The following PPP1R15B variants were observed in gnomAD, a reference collection of about 807,000 sequenced individuals.
The protein encoded by PPP1R15B is protein phosphatase 1 regulatory subunit 15B, also known as protein phosphatase 1, regulatory (inhibitor) subunit 15B.
Under a neutral mutation model 53.9 loss-of-function variants are expected in PPP1R15B, and 31 were observed. That is an observed-to-expected ratio of 0.58 (90% CI 0.43 to 0.78). The LOEUF is 0.78. PPP1R15B is among the 30% of genes least tolerant of loss of function. The pLI is 0.00. For missense variants in PPP1R15B, 928 were observed against 849.6 expected, an observed-to-expected ratio of 1.09 and a Z score of -1.15; for synonymous variants, 345 against 329.1, an observed-to-expected ratio of 1.05 and a Z score of -0.52.
chr1:204,399,856 C>G (rs182337360), downstream of PPP1R15B, among the ~76,000 whole-genome samples: 311 of 152,206 alleles, frequency 2.0e-3, 3 homozygotes, highest in African/African-American at 6.6e-3. Flanking sequence ...TGATAAAATG[C>G]GGTCTTAAAA....
chr1:204,411,769 C>T lies in PPP1R15B; in HGVS notation c.-358G>A. ...GAAAAGCCCCTGAGCAACGCGATAC[C>T]GGAAGGACTGGGTAGGCCGGCTGGT... On this transcript the variant is annotated 5_prime_UTR_variant, in exon 1 of 2. Coordinates refer to ENST00000367188, the MANE Select transcript of PPP1R15B (RefSeq NM_032833.5). 3.3e-6 allele frequency: 1 copy of T among 303,520 alleles called. No homozygotes were observed. The highest frequency in any genetic ancestry group is 4.0e-5 in the South Asian group (1 of 25,156). 18.8% of individuals were successfully genotyped at this position (303,520 alleles called of 1,614,324 possible). A position where few individuals can be genotyped will look rare whatever the true frequency, so the allele number is the denominator to read the frequency against.
In PPP1R15B at chr1:204,403,447, ATAATTT is replaced by A; in HGVS notation, c.*2639_*2644del. On this transcript the variant is annotated 3_prime_UTR_variant, in exon 2 of 2. Coordinates refer to ENST00000367188, the MANE Select transcript of PPP1R15B (RefSeq NM_032833.5). ...GATTAGTTATGTTATATACACAAAT[ATAATTT>A]TAACTATAAAATCCCAACTAGTTAC... 1.3e-6 allele frequency: 1 copy of A among 784,198 alleles called. No homozygotes were observed. The highest frequency in any genetic ancestry group is 5.9e-5 in the South Asian group (1 of 17,090). 48.6% of individuals were successfully genotyped at this position (784,198 alleles called of 1,614,324 possible). A position where few individuals can be genotyped will look rare whatever the true frequency, so the allele number is the denominator to read the frequency against.
At position 204,406,836 on chromosome 1, in the gene PPP1R15B, T is replaced by A. The variant is rs373050462; in HGVS notation, c.1921-523A>T. Among the ~76,000 whole-genome samples the A allele has an allele frequency of 8.5e-5, 13 of 152,220 alleles. No homozygotes were observed. The South Asian group carries it at 2.7e-3, about 32-fold the overall frequency. ...TAAATATTTCATATAGAGATATATATCTTTCATCTATATATACTTCATTTA... is the reference window on the plus strand; with the variant it reads ...TAAATATTTCATATAGAGATATATAACTTTCATCTATATATACTTCATTTA... On this transcript the variant is annotated intron_variant, in intron 1 of 1. Transcript: ENST00000367188.
rs545206906 is a variant in PPP1R15B at position 204,405,339 on chromosome 1, C to T, written c.*753G>A. The T allele has an allele frequency of 2.1e-5, 21 of 982,760 alleles. No homozygotes were observed. The South Asian group carries it at 9.4e-4, about 44-fold the overall frequency. 60.9% of individuals were successfully genotyped at this position (982,760 alleles called of 1,614,324 possible). A position where few individuals can be genotyped will look rare whatever the true frequency, so the allele number is the denominator to read the frequency against. ...TTAAACTGGGAACTACAATAACGTA[C>T]ACAGAACCCTCTTCAAAGAAATTAA... On this transcript the variant is annotated 3_prime_UTR_variant, in exon 2 of 2. Coordinates refer to ENST00000367188, the MANE Select transcript of PPP1R15B (RefSeq NM_032833.5).
chr1:204,402,952 A>G (rs911781674), downstream of PPP1R15B, among the ~76,000 whole-genome samples: 5 of 151,998 alleles, frequency 3.3e-5, no homozygotes, highest in Non-Finnish European at 5.9e-5. Context: ...GGTGCCTGTG[A>G]TCCCAGCTAC....
chr1:204,407,908 T>C (rs1358212458), intron 1 of PPP1R15B, among the ~76,000 whole-genome samples: 3 of 152,196 alleles, frequency 2.0e-5, no homozygotes, highest in Admixed American at 6.5e-5. Context: ...AATTATATCA[T>C]ATTCAGACAT....
Position 204,405,314 on chromosome 1 carries a change from T to G in PPP1R15B, c.*778A>C, listed in dbSNP as rs1415921222. 2.0e-6 allele frequency: 2 copies of G among 979,740 alleles called. No homozygotes were observed. The highest frequency in any genetic ancestry group is 6.2e-5 in the Admixed American group (1 of 16,240). 60.7% of individuals were successfully genotyped at this position (979,740 alleles called of 1,614,324 possible). ...CTGTTAAGAGATACAAAGAACTATA[T>G]TAAACTGGGAACTACAATAACGTAC... On this transcript the variant is annotated 3_prime_UTR_variant, in exon 2 of 2. Coordinates refer to ENST00000367188, the MANE Select transcript of PPP1R15B (RefSeq NM_032833.5).
downstream of PPP1R15B, among the ~76,000 whole-genome samples, chr1:204,402,176 A>T (rs1473976834): frequency 6.6e-6 from 1 of 152,198 alleles, no homozygotes; most frequent in Non-Finnish European, 1.5e-5. Flanking sequence ...ATATTGTTTA[A>T]CTGCAACTAA....
chr1:204,405,244 A>C lies in PPP1R15B; in HGVS notation c.*848T>G. On this transcript the variant is annotated 3_prime_UTR_variant, in exon 2 of 2. Transcript: ENST00000367188. ...TTTTAAGTTTAAAAAATAAATGATT[A>C]TGATGTAATTATTACTTTCCAGAGT... 1 of 978,468 alleles carries C rather than the reference A, an allele frequency of 1.0e-6. No homozygotes were observed. The highest frequency in any genetic ancestry group is 1.2e-6 in the Non-Finnish European group (1 of 823,132). 60.6% of individuals were successfully genotyped at this position (978,468 alleles called of 1,614,324 possible).
chr1:204,402,788 A>G (rs1458709709), downstream of PPP1R15B, among the ~76,000 whole-genome samples: 3 of 151,962 alleles, frequency 2.0e-5, no homozygotes, highest in Non-Finnish European at 4.4e-5. Context: ...GTAACACACA[A>G]AATAGCCAGA....
At chr1:204,403,266 C>A (rs1417251594), downstream of PPP1R15B, 2 of 305,818 alleles carry the variant, frequency 6.5e-6, no homozygotes, top group African/African-American at 4.5e-5. Flanking sequence ...CTGCAAGAAC[C>A]AAGTTCTTCT....
chr1:204,411,631 T>C lies in PPP1R15B; in HGVS notation c.-220A>G. The C allele has an allele frequency of 1.6e-6, 1 of 612,034 alleles. No individual in the cohort carries two copies. Among genetic ancestry groups the C allele is most frequent in the South Asian group, 2.0e-5 (1 of 49,386 alleles). 37.9% of individuals were successfully genotyped at this position (612,034 alleles called of 1,614,324 possible). A position where few individuals can be genotyped will look rare whatever the true frequency, so the allele number is the denominator to read the frequency against. On this transcript the variant is annotated 5_prime_UTR_variant, in exon 1 of 2. Transcript: ENST00000367188. ...AGCCCGCGCAATAGGCGGCGACTGATGCGACTTCCATCCTGGCGGGGAAGG... is the reference window on the plus strand; with the variant it reads ...AGCCCGCGCAATAGGCGGCGACTGACGCGACTTCCATCCTGGCGGGGAAGG...
Position 204,403,661 on chromosome 1 carries a change from C to A in PPP1R15B, c.*2431G>T, listed in dbSNP as rs925837920. On this transcript the variant is annotated 3_prime_UTR_variant, in exon 2 of 2. Transcript: ENST00000367188. ...TCTGTACAAAGCCTTTTACATGCTA[C>A]ATTGACACTTAAAGCACCATTAACA... 2 of 984,650 alleles carry A rather than the reference C, an allele frequency of 2.0e-6. No individual in the cohort carries two copies. Among genetic ancestry groups the A allele is most frequent in the Admixed American group, 1.2e-4 (2 of 16,266 alleles). The allele number at this position is 984,650 out of a possible 1,614,324, so 61.0% of individuals were successfully genotyped here.
intron 1 of PPP1R15B, among the ~76,000 whole-genome samples, chr1:204,407,983 T>C (rs577465110): frequency 1.4e-3 from 210 of 152,364 alleles, no homozygotes; most frequent in African/African-American, 4.8e-3. Flanking sequence ...TCATTTCATT[T>C]TACTCAACGA....
In PPP1R15B at chr1:204,410,209, T is replaced by G. The variant is rs746382265; in HGVS notation, c.1203A>C (p.Ile401=). The part of the protein sequence containing the change: ...PMEKEPGEGR[I]SVVDYSYLEG... ...CTAGGTATGAGTAATCAACTACACT[T>G]ATTCGGCCCTCTCCAGGCTCCTTTT... Residue 401 remains isoleucine (I), a synonymous_variant, in exon 1 of 2, where the codon ATA becomes ATC. Transcript: ENST00000367188. 6.2e-7 allele frequency: 1 copy of G among 1,614,150 alleles called. No homozygotes were observed. The highest frequency in any genetic ancestry group is 1.1e-5 in the South Asian group (1 of 91,088).
At chr1:204,397,537 C>A (rs1162910127), downstream of PPP1R15B, among the ~76,000 whole-genome samples, 1 of 151,900 alleles carries the variant, frequency 6.6e-6, no homozygotes, top group African/African-American at 2.4e-5. Context: ...AAGGAAATTG[C>A]TAAGAGTAGA....
Position 204,405,907 on chromosome 1 carries a change from C to A in PPP1R15B, c.*185G>T, listed in dbSNP as rs1021598797. 2.9e-6 allele frequency: 4 copies of A among 1,382,042 alleles called. No homozygotes were observed. Among genetic ancestry groups the A allele is most frequent in the Non-Finnish European group, 3.7e-6 (4 of 1,069,596 alleles). The allele number at this position is 1,382,042 out of a possible 1,614,324, so 85.6% of individuals were successfully genotyped here. A position where few individuals can be genotyped will look rare whatever the true frequency, so the allele number is the denominator to read the frequency against. On this transcript the variant is annotated 3_prime_UTR_variant, in exon 2 of 2. Transcript: ENST00000367188. ...ATCACACTAGTTCATCCTTCATTAT[C>A]AGGGCTGGCTTCAAACCTGAATGTT...
At position 204,409,735 on chromosome 1, in the gene PPP1R15B, G is replaced by A; in HGVS notation, c.1677C>T (p.Phe559=). 6.2e-7 allele frequency: 1 copy of A among 1,614,100 alleles called. No individual in the cohort carries two copies. Among genetic ancestry groups the A allele is most frequent in the Non-Finnish European group, 8.5e-7 (1 of 1,180,008 alleles). Residue 559 remains phenylalanine (F), a synonymous_variant, in exon 1 of 2, where the codon TTC becomes TTT. Transcript: ENST00000367188. ...GGTTGTAGGGGTCATCAGAATTACAGAATGAGTTCCACAGTTTGAGACTCT... is the reference window on the plus strand; with the variant it reads ...GGTTGTAGGGGTCATCAGAATTACAAAATGAGTTCCACAGTTTGAGACTCT... ...EAESLKLWNS[F]CNSDDPYNPL...
At position 204,410,750 on chromosome 1, in the gene PPP1R15B, T is replaced by C. The variant is rs1572257791; in HGVS notation, c.662A>G (p.Tyr221Cys). ...QRIDNFSVVS[Y>C]LLNPSYLDCF... Reference sequence around the variant, plus strand: ...GTCCAGGTAGGAAGGGTTCAGCAAATAGGATACCACACTGAAATTGTCTAT... The same window carrying C: ...GTCCAGGTAGGAAGGGTTCAGCAAACAGGATACCACACTGAAATTGTCTAT... Residue 221 changes from tyrosine to cysteine, a missense_variant, in exon 1 of 2, where the codon TAT becomes TGT. Physicochemically the swap from Tyr to Cys is radical, Grantham distance 194 (BLOSUM62 -2). Transcript: ENST00000367188. 6.2e-7 allele frequency: 1 copy of C among 1,614,116 alleles called. No individual in the cohort carries two copies. Among genetic ancestry groups the C allele is most frequent in the African/African-American group, 1.3e-5 (1 of 74,998 alleles).
Sources: allele counts gnomAD v4.1 joint callset (sites outside exome capture counted in the v4.1 genomes callset), GRCh38; gene constraint gnomAD v4.1.1; transcripts MANE v1.5; gene names NCBI Gene and HGNC (gene_info 2026-07-23, HGNC 2026-07-21).